Variants in ANKRD30A observed in about 807,000 individuals in gnomAD.
ANKRD30A encodes the protein ankyrin repeat domain 30A, also known as ankyrin repeat domain-containing protein 30A.
In ANKRD30A, 170 loss-of-function variants were observed where a neutral mutation model predicts 166.3. That is an observed-to-expected ratio of 1.02 (90% CI 0.90 to 1.16). The LOEUF (loss-of-function observed/expected upper bound fraction) is 1.16. Among genes scored for constraint, ANKRD30A ranks in the 50% most tolerant of loss-of-function variants. The probability of loss-of-function intolerance (pLI) is 0.00; values close to 1 mark genes in which losing one functional copy is unlikely to be tolerated. For missense variants in ANKRD30A, 1,630 were observed against 1,518.0 expected, an observed-to-expected ratio of 1.07 and a Z score of -1.23; for synonymous variants, 564 against 508.9, an observed-to-expected ratio of 1.11 and a Z score of -1.46.
chr10:37,260,362 A>G, the ANKRD30A span, among the ~76,000 whole-genome samples: 1 of 151,890 alleles, frequency 6.6e-6, no homozygotes, highest in East Asian at 1.9e-4. Context: ...TCCAGGCTCT[A>G]TTTTCCACCT....
chr10:37,242,473 T>G, the ANKRD30A span, among the ~76,000 whole-genome samples: 1 of 152,328 alleles, frequency 6.6e-6, no homozygotes, highest in Middle Eastern at 3.4e-3. Flanking sequence ...TGTAAATATC[T>G]CTTTCTCTTC....
chr10:37,138,222 A>C (rs1836852349), intron 6 of ANKRD30A, among the ~76,000 whole-genome samples: 1 of 152,208 alleles, frequency 6.6e-6, no homozygotes. Context: ...CCAAAACCCC[A>C]TCTGTACGTC....
chr10:37,156,314 C>T (rs1188515173), intron 13 of ANKRD30A, among the ~76,000 whole-genome samples: 2 of 151,986 alleles, frequency 1.3e-5, no homozygotes, highest in African/African-American at 4.8e-5. Flanking sequence ...ATCTTTCGAG[C>T]TATGCCATGT....
Position 37,149,792 on chromosome 10 carries a change from C to G in ANKRD30A, c.1588C>G (p.Gln530Glu). ...PSAFKPAIEM[Q>E]NSVPNKAFEL... ...CCCCATTTAGCCTGCCATTGAAATG[C>G]AAAACTCTGTTCCAAATAAAGCCTT... Residue 530 changes from glutamine (Q) to glutamate (E), a missense_variant, in exon 11 of 36, where the codon CAA becomes GAA. Coordinates refer to ENST00000361713, the MANE Select transcript of ANKRD30A (RefSeq NM_052997.3). The G allele has an allele frequency of 6.2e-7, 1 of 1,612,898 alleles. No individual in the cohort carries two copies. Among genetic ancestry groups the G allele is most frequent in the South Asian group, 1.1e-5 (1 of 91,054 alleles).
the ANKRD30A span, among the ~76,000 whole-genome samples, chr10:37,254,897 C>T: frequency 7.9e-5 from 12 of 151,964 alleles, no homozygotes; most frequent in East Asian, 3.9e-4. Flanking sequence ...TTAGCCAGAA[C>T]GGTCTTAATC....
chr10:37,196,693 G>A (rs1216259486), intron 27 of ANKRD30A, among the ~76,000 whole-genome samples: 2 of 152,074 alleles, frequency 1.3e-5, no homozygotes, highest in Non-Finnish European at 2.9e-5. Flanking sequence ...ACATCTTCTT[G>A]CATGAGTGGA....
In ANKRD30A at chr10:37,183,331, T is replaced by G. The variant is rs1307290118; in HGVS notation, c.2422-6136T>G. Among the ~76,000 whole-genome samples the G allele has an allele frequency of 2.8e-5, 4 of 145,022 alleles. 1 individual carries two copies. Among genetic ancestry groups the G allele is most frequent in the Non-Finnish European group, 3.1e-5 (2 of 64,694 alleles). The stretch of plus-strand genomic sequence containing the variant: ...GTAAATAGGAGAAATAGGAAAAACA[T>G]TATGTGAACTATTAGGCCCCCGGTG... On this transcript the variant is annotated intron_variant, in intron 24 of 35. Transcript: ENST00000361713.
chr10:37,209,540 A>G (rs889306008), intron 31 of ANKRD30A, among the ~76,000 whole-genome samples: 27 of 152,288 alleles, frequency 1.8e-4, no homozygotes, highest in Middle Eastern at 3.4e-3. Flanking sequence ...ATCTTCCCTC[A>G]TGATGCATTC....
At chr10:37,232,391 C>T (rs775179513) in intron 35 of ANKRD30A, 108 bp from the exon 36 acceptor site, 1 of 151,240 alleles carries the variant, frequency 6.6e-6, no homozygotes, top group Non-Finnish European at 1.5e-5. Flanking sequence ...ATGATGTTCA[C>T]TTATGTATGT....
chr10:37,246,417 T>C, the ANKRD30A span, among the ~76,000 whole-genome samples: 1 of 152,228 alleles, frequency 6.6e-6, no homozygotes, highest in Non-Finnish European at 1.5e-5. Flanking sequence ...ATATTCTGCT[T>C]AGGACTCTTT....
rs557917811 is a variant in ANKRD30A at position 37,149,602 on chromosome 10, CA to C, written c.1544-48del. 6.6e-5 allele frequency: 105 copies of C among 1,579,454 alleles called. No homozygotes were observed. The African/African-American group carries it at 1.1e-3, about 17-fold the overall frequency. Reference sequence around the variant, plus strand: ...ACTATGACTGCATTCATTTGGTTGGCATTGTCATACTTACTTATGATTGATG... The same window carrying C: ...ACTATGACTGCATTCATTTGGTTGGCTTGTCATACTTACTTATGATTGATG... On this transcript the variant is annotated intron_variant, in intron 9 of 35. Coordinates refer to ENST00000361713, the MANE Select transcript of ANKRD30A (RefSeq NM_052997.3).
chr10:37,152,945 G>C (rs1365287780), intron 12 of ANKRD30A, among the ~76,000 whole-genome samples: 1 of 152,102 alleles, frequency 6.6e-6, no homozygotes, highest in Non-Finnish European at 1.5e-5. Context: ...CTTTCATTTA[G>C]ATGTGACGTA....
At chr10:37,203,633 C>T (rs539634631) in intron 31 of ANKRD30A, among the ~76,000 whole-genome samples, 15 of 152,208 alleles carry the variant, frequency 9.9e-5, no homozygotes, top group African/African-American at 3.4e-4. Context: ...AAGTTCTGGC[C>T]AGGGCAATCA....
intron 6 of ANKRD30A, among the ~76,000 whole-genome samples, chr10:37,140,211 A>T (rs1837005686): frequency 6.6e-6 from 1 of 152,220 alleles, no homozygotes. Context: ...GCTATCTTGC[A>T]GTGGCAAAGG....
At chr10:37,192,816 T>G (rs575448493) in intron 25 of ANKRD30A, among the ~76,000 whole-genome samples, 4 of 152,162 alleles carry the variant, frequency 2.6e-5, no homozygotes, top group Non-Finnish European at 5.9e-5. Flanking sequence ...ATTGTCACCT[T>G]AAATATATTT....
chr10:37,227,653 A>G (rs772865936), intron 34 of ANKRD30A, among the ~76,000 whole-genome samples: 5 of 151,982 alleles, frequency 3.3e-5, no homozygotes, highest in South Asian at 2.1e-4. Context: ...TGCACTGCTG[A>G]CTCCATGACT....
At chr10:37,154,593 A>G (rs748504079) in intron 13 of ANKRD30A, among the ~76,000 whole-genome samples, 2 of 152,194 alleles carry the variant, frequency 1.3e-5, no homozygotes, top group Non-Finnish European at 2.9e-5. Flanking sequence ...TACTACCACT[A>G]AACAAAAGGA....
chr10:37,235,308 T>G (rs1471289265), downstream of ANKRD30A, among the ~76,000 whole-genome samples: 1 of 152,182 alleles, frequency 6.6e-6, no homozygotes, highest in Non-Finnish European at 1.5e-5. Flanking sequence ...TTTGGTCAAT[T>G]AAGTGTTGCC....
At chr10:37,153,940 C>A (rs17590392) in intron 13 of ANKRD30A, among the ~76,000 whole-genome samples, 3 of 152,172 alleles carry the variant, frequency 2.0e-5, no homozygotes, top group African/African-American at 7.2e-5. Flanking sequence ...AATAGAGTAA[C>A]TGAAGACTGA....
Sources: gnomAD v4.1 joint callset for allele counts (sites outside exome capture counted in the v4.1 genomes callset) on GRCh38, gnomAD v4.1.1 for gene constraint, MANE v1.5 for transcripts, NCBI Gene and HGNC (gene_info 2026-07-23, HGNC 2026-07-21) for gene names.